Variants in TRIO observed in about 807,000 individuals in gnomAD.
The protein encoded by TRIO is trio Rho guanine nucleotide exchange factor.
In TRIO, 58 loss-of-function variants were observed where a neutral mutation model predicts 351.9. The ratio of observed to expected loss-of-function variants is 0.16; its 90% CI spans 0.13 to 0.21. TRIO has a LOEUF of 0.21. Ranked by LOEUF, TRIO falls within the 10% of genes least tolerant of loss-of-function variation. The pLI, the probability that TRIO is intolerant of heterozygous loss-of-function variation, is 1.00. For missense variants in TRIO, 3,201 were observed against 4,027.8 expected (o/e 0.79, Z 5.56); for synonymous variants, 1,758 against 1,595.7 (o/e 1.10, Z -2.42).
At chr5:14,295,550 G>T (rs1409169476) in intron 6 of TRIO, among the ~76,000 whole-genome samples, 2 of 152,242 alleles carry the variant, frequency 1.3e-5, no homozygotes, top group African/African-American at 4.8e-5. Context: ...CACCCAAGGA[G>T]ACATCTCTTC....
intron 1 of TRIO, among the ~76,000 whole-genome samples, chr5:14,216,029 G>A (rs985515859): frequency 2.6e-5 from 4 of 152,160 alleles, no homozygotes; most frequent in Non-Finnish European, 4.4e-5. Flanking sequence ...CTGTAAATTA[G>A]AGGTAATCAT....
chr5:14,287,388 C>CT (rs1736541451), intron 4 of TRIO, among the ~76,000 whole-genome samples: 1 of 152,190 alleles, frequency 6.6e-6, no homozygotes, highest in African/African-American at 2.4e-5. Flanking sequence ...AGCACTGTGG[C>CT]TTTGCACAGT....
intron 48 of TRIO, chr5:14,488,537 C>T (rs1756224638): frequency 1.9e-6 from 1 of 531,684 alleles, no homozygotes; most frequent in Non-Finnish European, 3.3e-6. Flanking sequence ...AGCAGAATAT[C>T]TTCTTGGAAC....
intron 18 of TRIO, among the ~76,000 whole-genome samples, chr5:14,370,058 C>T (rs993387935): frequency 1.3e-5 from 2 of 152,074 alleles, no homozygotes; most frequent in African/African-American, 4.8e-5. Flanking sequence ...TGGGAGTTTT[C>T]TCTCTGAGAA....
chr5:14,335,181 A>G (rs530061076), intron 10 of TRIO, among the ~76,000 whole-genome samples: 1 of 152,230 alleles, frequency 6.6e-6, no homozygotes, highest in South Asian at 2.1e-4. Context: ...AAATAGAGAA[A>G]CCTGGCTCCC....
At chr5:14,266,785 C>G (rs1272087153) in intron 1 of TRIO, among the ~76,000 whole-genome samples, 1 of 152,112 alleles carries the variant, frequency 6.6e-6, no homozygotes, top group Admixed American at 6.5e-5. Flanking sequence ...ATTTTTTAAC[C>G]TAAGCCTGTT....
chr5:14,387,889 G>A (rs772702238), intron 23 of TRIO, 42 bp downstream of exon 23: 3 of 1,597,184 alleles, frequency 1.9e-6, no homozygotes, highest in East Asian at 2.2e-5. Flanking sequence ...CACTGGAAAA[G>A]TGAAGAGAAT....
intron 43 of TRIO, among the ~76,000 whole-genome samples, chr5:14,480,454 C>G (rs543002318): frequency 6.6e-6 from 1 of 152,300 alleles, no homozygotes; most frequent in East Asian, 1.9e-4. Context: ...GCTCTATCAA[C>G]TTTAATTATT....
At chr5:14,387,876 A>G (rs757679846) in intron 23 of TRIO, 29 bp downstream of exon 23, 1 of 1,607,086 alleles carries the variant, frequency 6.2e-7, no homozygotes, top group Non-Finnish European at 8.5e-7. Flanking sequence ...ATCTACCAGG[A>G]TTCACTGGAA....
intron 33 of TRIO, 128 bp from the exon 34 acceptor site, chr5:14,419,650 A>C (rs1340072962): frequency 2.1e-5 from 27 of 1,295,194 alleles, no homozygotes; most frequent in Non-Finnish European, 2.8e-5. Flanking sequence ...GTGATCACAC[A>C]ACCTCGGAGC....
intron 9 of TRIO, among the ~76,000 whole-genome samples, chr5:14,329,323 A>G (rs1740692570): frequency 6.6e-6 from 1 of 152,232 alleles, no homozygotes. Flanking sequence ...TCATGTTGAA[A>G]TATACTCCAG....
chr5:14,444,584 A>AAAACAAAC (rs202091543), intron 34 of TRIO, among the ~76,000 whole-genome samples: 2 of 152,172 alleles, frequency 1.3e-5, no homozygotes, highest in African/African-American at 4.8e-5. Flanking sequence ...TCATGTGTTT[A>AAAACAAAC]AAACAAACAA....
In TRIO at chr5:14,497,886, T is replaced by C; in HGVS notation, c.8047+12T>C. ...CTACATTTATGACGGTGAGTTCTGT[T>C]CTTTTTCTTCTAGTCCTAGAGATGA... is the stretch of plus-strand genomic sequence containing the variant. On this transcript the variant is annotated intron_variant, in intron 51 of 56. Transcript: ENST00000344204. The surrounding 1 kb of genome is among the most constrained non-coding windows in gnomAD (Gnocchi z 4.4). 2 of 1,614,214 alleles carry C rather than the reference T, an allele frequency of 1.2e-6. No homozygotes were observed. Among genetic ancestry groups the C allele is most frequent in the Non-Finnish European group, 1.7e-6 (2 of 1,180,024 alleles).
chr5:14,249,093 C>T (rs889862606), intron 1 of TRIO, among the ~76,000 whole-genome samples: 1 of 152,166 alleles, frequency 6.6e-6, no homozygotes, highest in African/African-American at 2.4e-5. Flanking sequence ...GCAGTGCTAA[C>T]CTTGGCTGGA....
At chr5:14,397,784 G>A (rs1747736387) in intron 29 of TRIO, among the ~76,000 whole-genome samples, 1 of 152,114 alleles carries the variant, frequency 6.6e-6, no homozygotes, top group South Asian at 2.1e-4. Context: ...AGGTGCCACT[G>A]TGGGTAATAA....
At chr5:14,465,488 C>A in intron 36 of TRIO, 57 bp from the exon 37 acceptor site, 2 of 1,545,170 alleles carry the variant, frequency 1.3e-6, no homozygotes, top group Non-Finnish European at 1.8e-6. Flanking sequence ...TACTGTCTGA[C>A]CAGTTACTAA....
At chr5:14,393,999 C>T (rs376443761) in intron 27 of TRIO, 39 bp from the exon 28 acceptor site, 1 of 1,386,416 alleles carries the variant, frequency 7.2e-7, no homozygotes, top group Non-Finnish European at 1.0e-6. Flanking sequence ...ATAGTGTAGC[C>T]CTATGATAAC....
At chr5:14,451,984 A>G (rs1413920292) in intron 34 of TRIO, among the ~76,000 whole-genome samples, 11 of 152,380 alleles carry the variant, frequency 7.2e-5, no homozygotes, top group Non-Finnish European at 1.2e-4. Context: ...GCAATGCAAG[A>G]CAGATGTTCA....
At position 14,507,893 on chromosome 5, in the gene TRIO, T is replaced by C; in HGVS notation, c.8765T>C (p.Leu2922Pro). Residue 2922 changes from leucine to proline, a missense_variant, in exon 57 of 57, where the codon CTG becomes CCG. By Grantham distance (98) the Leu-to-Pro change is moderately conservative (BLOSUM62 -3). Transcript: ENST00000344204. ...AHLDLKPENI[L>P]VDESLAKPTI... ...TCTGATTTCCAGCCTGAGAATATCC[T>C]GGTGGATGAGAGTTTAGCCAAGCCA... is the stretch of plus-strand genomic sequence containing the variant. 1.9e-6 allele frequency: 3 copies of C among 1,613,432 alleles called. No homozygotes were observed. The highest frequency in any genetic ancestry group is 1.7e-6 in the Non-Finnish European group (2 of 1,179,580).
Sources: allele counts gnomAD v4.1 joint callset (sites outside exome capture counted in the v4.1 genomes callset), GRCh38; gene constraint gnomAD v4.1.1; non-coding constraint Gnocchi (gnomAD v3.1); transcripts MANE v1.5; gene names NCBI Gene and HGNC (gene_info 2026-07-23, HGNC 2026-07-21).